The following CFAP74 variants were observed in gnomAD, a reference collection of about 807,000 sequenced individuals.
CFAP74 encodes the protein cilia- and flagella-associated protein 74.
A neutral mutation model predicts 188.9 loss-of-function variants in CFAP74; 124 were observed. The observed-to-expected ratio is 0.66, with a 90% confidence interval of 0.57 to 0.76. The LOEUF is 0.76. Among genes scored for constraint, CFAP74 ranks in the 30% least tolerant of loss-of-function variants. CFAP74 has a pLI of 0.00. For missense variants in CFAP74, 2,198 were observed against 2,165.2 expected (o/e 1.02, Z -0.30); for synonymous variants, 956 against 916.7 (o/e 1.04, Z -0.77).
chr1:1,989,547 G>A (rs920616047), intron 2 of CFAP74, among the ~76,000 whole-genome samples: 6 of 152,106 alleles, frequency 3.9e-5, no homozygotes, highest in Non-Finnish European at 8.8e-5. Context: ...TGCCACCTTC[G>A]CCTCCCAGGT....
chr1:1,964,369 C>T (rs1445274872), intron 13 of CFAP74, among the ~76,000 whole-genome samples: 1 of 152,252 alleles, frequency 6.6e-6, no homozygotes, highest in African/African-American at 2.4e-5. Flanking sequence ...GCCACGGCAC[C>T]CCCATTGCTC....
At chr1:1,924,031 C>T in intron 34 of CFAP74, 102 bp from the exon 35 acceptor site, 1 of 1,243,840 alleles carries the variant, frequency 8.0e-7, no homozygotes, top group East Asian at 2.7e-5. Context: ...CGCCCCCCTG[C>T]AGAGCCCCTG....
chr1:1,926,961 C>A lies in CFAP74; in HGVS notation c.3595G>T (p.Val1199Leu), dbSNP rs1260137619. 1 of 1,550,182 alleles carries A rather than the reference C, an allele frequency of 6.5e-7. No individual in the cohort carries two copies. Among genetic ancestry groups the A allele is most frequent in the Non-Finnish European group, 8.7e-7 (1 of 1,146,914 alleles). ...RAFQAKFDTF[V>L]VPCVVASGDI... ...CCACTGGCAACAACACAGGGAACTA[C>A]AAATGTGTCAAACTTCGCCTGGAAC... Residue 1199 changes from valine to leucine, a missense_variant, in exon 29 of 39, where the codon GTA (valine) becomes TTA (leucine). Coordinates refer to ENST00000682832, the MANE Select transcript of CFAP74 (RefSeq NM_001304360.2).
At chr1:1,927,890 C>T (rs912946765) in intron 27 of CFAP74, 144 bp from the exon 28 acceptor site, 14 of 882,164 alleles carry the variant, frequency 1.6e-5, no homozygotes, top group African/African-American at 1.4e-4. Flanking sequence ...GACCGGCGCC[C>T]GAGGAAGACA....
chr1:1,989,675 G>T (rs1350473369), intron 2 of CFAP74, among the ~76,000 whole-genome samples: 1 of 152,188 alleles, frequency 6.6e-6, no homozygotes, highest in Non-Finnish European at 1.5e-5. Flanking sequence ...TGACCAGGCT[G>T]GTCTTGGACT....
chr1:1,976,709 G>A (rs144157233), intron 6 of CFAP74, among the ~76,000 whole-genome samples: 13,899 of 151,852 alleles, frequency 0.092, 1,942 homozygotes, highest in African/African-American at 0.3. Context: ...CGCCCAGCTA[G>A]TTTTTGTATT....
At chr1:1,982,896 C>T (rs551455682) in intron 6 of CFAP74, among the ~76,000 whole-genome samples, 3 of 152,330 alleles carry the variant, frequency 2.0e-5, no homozygotes, top group Admixed American at 6.5e-5. Context: ...GAGCTGCGTG[C>T]GTTTCCCACC....
At chr1:1,962,164 G>T (rs1047325371) in intron 14 of CFAP74, among the ~76,000 whole-genome samples, 2 of 152,194 alleles carry the variant, frequency 1.3e-5, no homozygotes. Context: ...AGAAGAGAAA[G>T]AACTTTCTTA....
intron 2 of CFAP74, among the ~76,000 whole-genome samples, chr1:1,990,609 A>C (rs1326098379): frequency 1.3e-5 from 2 of 152,212 alleles, no homozygotes. Flanking sequence ...AAGAAAACAA[A>C]AATAGGTCAC....
intron 1 of CFAP74, among the ~76,000 whole-genome samples, chr1:2,000,375 G>A (rs374276389): frequency 5.9e-5 from 9 of 152,336 alleles, no homozygotes; most frequent in African/African-American, 1.9e-4. Flanking sequence ...CCAGGACATG[G>A]GTTTTTTGGG....
rs186825656 is a variant in CFAP74, at chr1:1,975,659, G to A, written c.501-1461C>T. ...TGGCTGGTGTCCTGTCATGCAGCACGTTCATTGCTCCCCAAGTCTGGGGGA... is the reference window on the plus strand; with the variant it reads ...TGGCTGGTGTCCTGTCATGCAGCACATTCATTGCTCCCCAAGTCTGGGGGA... On this transcript the variant is annotated intron_variant, in intron 6 of 38. Transcript: ENST00000682832. The surrounding 1 kb of genome is among the most constrained non-coding windows in gnomAD (Gnocchi z 4.5). Among the ~76,000 whole-genome samples the A allele has an allele frequency of 1.0e-3, 152 of 152,286 alleles. No homozygotes were observed. The highest frequency in any genetic ancestry group is 3.3e-3 in the African/African-American group (136 of 41,562).
chr1:1,938,319 TCACA>T (rs917892163), intron 25 of CFAP74, among the ~76,000 whole-genome samples: 42 of 128,550 alleles, frequency 3.3e-4, no homozygotes, highest in Non-Finnish European at 5.2e-4. Context: ...ATACATGCAC[TCACA>T]CACAAGGCAC....
intron 38 of CFAP74, 56 bp from the exon 39 acceptor site, chr1:1,922,444 A>T: frequency 6.4e-7 from 1 of 1,556,146 alleles, no homozygotes; most frequent in Non-Finnish European, 8.8e-7. Flanking sequence ...CCCAGAGGAG[A>T]TCTGCTGTCT....
chr1:1,925,871 A>G lies in CFAP74; in HGVS notation c.4016T>C (p.Val1339Ala). 6.2e-7 allele frequency: 1 copy of G among 1,612,692 alleles called. No individual in the cohort carries two copies. Among genetic ancestry groups the G allele is most frequent in the Admixed American group, 1.7e-5 (1 of 60,018 alleles). The change falls in exon 33 of 39, where the codon GTG becomes GCG. Residue 1339 changes from valine to alanine, a missense_variant. By Grantham distance (64) the Val-to-Ala change is moderately conservative. Transcript: ENST00000682832. ...TLTLTLMGTG[V>A]ASMITCSIEG... ...AATGGAGCACGTGATCATGGACGCCACGCCAGTGCCCATGAGGGTGAGGGT... is the reference window on the plus strand; with the variant it reads ...AATGGAGCACGTGATCATGGACGCCGCGCCAGTGCCCATGAGGGTGAGGGT...
intron 34 of CFAP74, 113 bp from the exon 35 acceptor site, chr1:1,924,042 TC>T (rs1651617475): frequency 4.0e-6 from 4 of 999,192 alleles, no homozygotes; most frequent in Non-Finnish European, 4.1e-6. Flanking sequence ...AGAGCCCCTG[TC>T]CTGCCCGGTC....
chr1:1,941,123 G>GAGAAAGA (rs1653343507), intron 22 of CFAP74, among the ~76,000 whole-genome samples: 3 of 150,928 alleles, frequency 2.0e-5, no homozygotes, highest in Admixed American at 6.6e-5. Context: ...AAAAAAGAAA[G>GAGAAAGA]AAAGAAAGAA....
At chr1:1,955,365 C>T in intron 18 of CFAP74, 6 of 1,344,864 alleles carry the variant, frequency 4.5e-6, no homozygotes, top group African/African-American at 1.5e-5. Flanking sequence ...AGACAGAAGC[C>T]CCCCGCAGCC....
intron 1 of CFAP74, among the ~76,000 whole-genome samples, chr1:1,993,774 A>C: frequency 2.8e-4 from 1 of 3,532 alleles, no homozygotes; most frequent in African/African-American, 7.3e-4. Context: ...CGAGGTCAGG[A>C]GATCGAGACC....
Position 1,923,123 on chromosome 1 carries a change from G to T in CFAP74, c.4545C>A (p.Leu1515=). ...GCCTCAGCTCCTCAGCTTCTGGAGA[G>T]AGAGGGCCTGGCCGGGAGCTGGCTG... ...HREASSRPGP[L]SPEAEELRPI... The change falls in exon 37 of 39, where the codon CTC becomes CTA. Residue 1515 remains leucine, a synonymous_variant. Transcript: ENST00000682832. The surrounding 1 kb of genome is among the most constrained non-coding windows in gnomAD (Gnocchi z 6.3). 1 of 1,609,654 alleles carries T rather than the reference G, an allele frequency of 6.2e-7. No homozygotes were observed. The highest frequency in any genetic ancestry group is 1.1e-5 in the South Asian group (1 of 90,754).
Sources: gnomAD v4.1 joint callset for allele counts (sites outside exome capture counted in the v4.1 genomes callset) on GRCh38, gnomAD v4.1.1 for gene constraint, Gnocchi (gnomAD v3.1) non-coding constraint, MANE v1.5 for transcripts, NCBI Gene and HGNC (gene_info 2026-07-23, HGNC 2026-07-21) for gene names.